Variants in TBC1D30 observed in about 807,000 individuals in gnomAD.
TBC1D30 encodes the protein TBC1 domain family member 30, also known as TBC1 domain family, member 30.
TBC1D30 carries 31 observed loss-of-function variants against 63.2 expected under a neutral mutation model. That is an observed-to-expected ratio of 0.49 (90% confidence interval 0.37 to 0.66). The LOEUF is 0.66. TBC1D30 is among the 30% of genes least tolerant of loss of function. The probability of loss-of-function intolerance (pLI) is 0.00; values close to 1 mark genes in which losing one functional copy is unlikely to be tolerated. For synonymous variants in TBC1D30, 307 were observed against 361.5 expected, an observed-to-expected ratio of 0.85 and a Z score of 1.71; for missense variants, 810 against 953.6, an observed-to-expected ratio of 0.85 and a Z score of 1.98.
At chr12:64,838,956 G>C in intron 7 of TBC1D30, 105 bp downstream of exon 7, 1 of 1,151,742 alleles carries the variant, frequency 8.7e-7, no homozygotes, top group Non-Finnish European at 1.2e-6. Context: ...AGAAAGTTGT[G>C]AACTTTTAAA....
chr12:64,832,815 C>A (rs762567270), intron 5 of TBC1D30, among the ~76,000 whole-genome samples: 42 of 152,186 alleles, frequency 2.8e-4, no homozygotes, highest in Non-Finnish European at 5.6e-4. Context: ...TGGTTCCTTG[C>A]TGGCTGTTGA....
chr12:64,797,790 C>T (rs1054019054), intron 2 of TBC1D30, among the ~76,000 whole-genome samples: 2 of 152,182 alleles, frequency 1.3e-5, no homozygotes, highest in African/African-American at 4.8e-5. Context: ...CTCTGAACCT[C>T]GAGATGAACT....
intron 1 of TBC1D30, 68 bp downstream of exon 1, chr12:64,825,101 A>C (rs1227873850): frequency 1.7e-5 from 25 of 1,480,806 alleles, no homozygotes; most frequent in South Asian, 3.9e-5. Flanking sequence ...CTTCTGCCTT[A>C]GCCTGACTCC....
Position 64,843,493 on chromosome 12 carries a change from G to A in TBC1D30, c.1038+8G>A, listed in dbSNP as rs1015440872. ...AGCCATGAACTCATGCAGGTGAGTC[G>A]GCAACATGGAGCAGCTTGGCTCGGG... is the stretch of plus-strand genomic sequence containing the variant. On this transcript the variant is annotated splice_region_variant and intron_variant, in intron 8 of 11. Transcript: ENST00000539867. 19 of 1,534,838 alleles carry A rather than the reference G, an allele frequency of 1.2e-5. No homozygotes were observed. The highest frequency in any genetic ancestry group is 1.7e-4 in the Middle Eastern group (1 of 5,952).
chr12:64,759,512 G>A (rs1337186552), exon 1 of TBC1D30: 1 of 508,860 alleles, frequency 2.0e-6, no homozygotes, highest in South Asian at 3.2e-5. Flanking sequence ...GCGCAGCCTG[G>A]AGGGAGGCAT....
chr12:64,825,182 G>A, intron 1 of TBC1D30, 149 bp downstream of exon 1: 1 of 1,226,480 alleles, frequency 8.2e-7, no homozygotes, highest in South Asian at 1.7e-5. Context: ...GCACCTGCAG[G>A]GAGCGATTGG....
chr12:64,831,753 A>G (rs1874879004), intron 4 of TBC1D30, among the ~76,000 whole-genome samples: 1 of 152,196 alleles, frequency 6.6e-6, no homozygotes, highest in African/African-American at 2.4e-5. Flanking sequence ...AGCCTCAATC[A>G]TACATGTATT....
upstream of TBC1D30, among the ~76,000 whole-genome samples, chr12:64,821,339 G>C (rs1365142704): frequency 1.3e-5 from 2 of 152,246 alleles, no homozygotes; most frequent in Non-Finnish European, 2.9e-5. Context: ...TGGATGGTCT[G>C]AGTGGCATAT....
chr12:64,786,974 T>G (rs890670197), intron 2 of TBC1D30, among the ~76,000 whole-genome samples: 1 of 151,744 alleles, frequency 6.6e-6, no homozygotes, highest in African/African-American at 2.4e-5. Context: ...AAAATAAAAA[T>G]AAATAAATAA....
At chr12:64,857,617 G>A (rs1053780934) in intron 8 of TBC1D30, among the ~76,000 whole-genome samples, 1 of 152,134 alleles carries the variant, frequency 6.6e-6, no homozygotes, top group Non-Finnish European at 1.5e-5. Flanking sequence ...TAGGTCATGT[G>A]CCACCCTAGT....
At chr12:64,853,256 A>G (rs1032970754) in intron 8 of TBC1D30, among the ~76,000 whole-genome samples, 1 of 152,176 alleles carries the variant, frequency 6.6e-6, no homozygotes, top group African/African-American at 2.4e-5. Context: ...GGCTCCTCCC[A>G]GTTCGAACTT....
rs960521460 is a variant in TBC1D30, at chr12:64,843,437, C to G, written c.990C>G (p.Thr330=). 2 of 1,536,090 alleles carry G rather than the reference C, an allele frequency of 1.3e-6. No homozygotes were observed. Among genetic ancestry groups the G allele is most frequent in the African/African-American group, 2.7e-5 (2 of 73,040 alleles). The change falls in exon 8 of 12, where the codon ACC becomes ACG. Residue 330 remains threonine (T), a synonymous_variant. Transcript: ENST00000539867. ...TCTACAGCACCATGGGGCGCCTTAC[C>G]CAGGAGATGCTAGAGAATGATCTTC... ...DEFYSTMGRL[T]QEMLENDLLQ...
At chr12:64,828,954 C>T (rs756702875) in intron 3 of TBC1D30, among the ~76,000 whole-genome samples, 1 of 151,570 alleles carries the variant, frequency 6.6e-6, no homozygotes, top group Non-Finnish European at 1.5e-5. Flanking sequence ...GAACAGCCAG[C>T]GCAAGCACCC....
At chr12:64,831,749 A>T (rs1143834) in intron 4 of TBC1D30, among the ~76,000 whole-genome samples, 1 of 151,948 alleles carries the variant, frequency 6.6e-6, no homozygotes, top group Non-Finnish European at 1.5e-5. Context: ...TGTTAGCCTC[A>T]ATCATACATG....
At chr12:64,792,790 T>C (rs1872003155) in intron 2 of TBC1D30, among the ~76,000 whole-genome samples, 1 of 152,088 alleles carries the variant, frequency 6.6e-6, no homozygotes, top group South Asian at 2.1e-4. Context: ...GCCAGGCTGG[T>C]CTTAAACCCA....
At chr12:64,829,221 G>A (rs529100795) in intron 3 of TBC1D30, among the ~76,000 whole-genome samples, 1 of 152,162 alleles carries the variant, frequency 6.6e-6, no homozygotes, top group South Asian at 2.1e-4. Flanking sequence ...TATTATGAAC[G>A]GGCTACTCTG....
chr12:64,822,955 G>T (rs1418984145), upstream of TBC1D30, among the ~76,000 whole-genome samples: 1 of 152,004 alleles, frequency 6.6e-6, no homozygotes, highest in African/African-American at 2.4e-5. Flanking sequence ...GGTTTTTAGA[G>T]ACCATAACCT....
intron 2 of TBC1D30, among the ~76,000 whole-genome samples, chr12:64,805,531 A>G (rs1280206324): frequency 6.6e-6 from 1 of 152,048 alleles, no homozygotes; most frequent in African/African-American, 2.4e-5. Context: ...AGTGTGTCTC[A>G]TTGAGAAAAT....
chr12:64,872,734 A>G lies in TBC1D30; in HGVS notation c.1498+1926A>G, dbSNP rs569964961. The stretch of plus-strand genomic sequence containing the variant: ...AGACTAGGCAATTTATAAGAGGCTT[A>G]ATGGACTTACAGTTTCACATGGCTG... On this transcript the variant is annotated intron_variant, in intron 11 of 11. Transcript: ENST00000539867. 2.0e-5 allele frequency among the ~76,000 whole-genome samples: 3 copies of G among 152,338 alleles called. No homozygotes were observed. In the South Asian group the frequency reaches 6.2e-4, roughly 32 times the overall value.
Sources: allele counts gnomAD v4.1 joint callset (sites outside exome capture counted in the v4.1 genomes callset), GRCh38; gene constraint gnomAD v4.1.1; transcripts MANE v1.5; gene names NCBI Gene and HGNC (gene_info 2026-07-23, HGNC 2026-07-21).